MNAT1: variants seen among roughly 807,000 people sequenced by gnomAD.
The protein encoded by MNAT1 is CDK-activating kinase assembly factor MAT1.
In MNAT1, 43 loss-of-function variants were observed where a neutral mutation model predicts 42.0. The ratio of observed to expected loss-of-function variants is 1.02; its 90% confidence interval spans 0.80 to 1.32. MNAT1 has a LOEUF of 1.32. MNAT1 is among the 40% of genes most tolerant of loss of function. The pLI, the probability that MNAT1 is intolerant of heterozygous loss-of-function variation, is 0.00. For missense variants in MNAT1, 306 were observed against 350.4 expected, an observed-to-expected ratio of 0.87 and a Z score of 1.01; for synonymous variants, 118 against 120.0, an observed-to-expected ratio of 0.98 and a Z score of 0.11.
chr14:60,835,008 CCT>C (rs1045509667), intron 6 of MNAT1, among the ~76,000 whole-genome samples: 6 of 144,474 alleles, frequency 4.2e-5, no homozygotes, highest in African/African-American at 1.3e-4. Flanking sequence ...TCCCTCCCTC[CCT>C]CTCTCTCTCA....
At chr14:60,965,680 T>C (rs1003954539) in intron 7 of MNAT1, among the ~76,000 whole-genome samples, 2 of 152,244 alleles carry the variant, frequency 1.3e-5, no homozygotes, top group Non-Finnish European at 2.9e-5. Flanking sequence ...TTATGATGTT[T>C]GGCTTTTCAA....
intron 7 of MNAT1, among the ~76,000 whole-genome samples, chr14:60,944,167 T>C (rs1027364922): frequency 2.6e-5 from 4 of 152,310 alleles, no homozygotes; most frequent in Admixed American, 2.6e-4. Context: ...GTTTCCTATT[T>C]TGTAGTGTTA....
intron 6 of MNAT1, among the ~76,000 whole-genome samples, chr14:60,853,661 A>C (rs549925708): frequency 3.8e-4 from 58 of 152,322 alleles, no homozygotes; most frequent in Middle Eastern, 3.4e-3. Flanking sequence ...TTGCCCATTC[A>C]GTATGATATT....
chr14:60,929,485 A>T (rs929278990), intron 7 of MNAT1, among the ~76,000 whole-genome samples: 2 of 152,016 alleles, frequency 1.3e-5, no homozygotes, highest in African/African-American at 4.8e-5. Flanking sequence ...TAAAGGTCCA[A>T]GTTCATCATT....
intron 7 of MNAT1, among the ~76,000 whole-genome samples, chr14:60,925,790 C>G (rs1307718766): frequency 6.6e-6 from 1 of 152,068 alleles, no homozygotes; most frequent in Non-Finnish European, 1.5e-5. Flanking sequence ...TCATGTCTGG[C>G]TTCTTTCATG....
At chr14:60,772,093 A>G (rs1445887109) in intron 1 of MNAT1, among the ~76,000 whole-genome samples, 5 of 152,112 alleles carry the variant, frequency 3.3e-5, no homozygotes, top group African/African-American at 1.2e-4. Flanking sequence ...ATTATTTTTG[A>G]TTATGAGTTT....
At chr14:60,828,027 A>T (rs2033103454) in intron 6 of MNAT1, among the ~76,000 whole-genome samples, 1 of 152,174 alleles carries the variant, frequency 6.6e-6, no homozygotes, top group African/African-American at 2.4e-5. Flanking sequence ...TTTTAATGTG[A>T]CCTAAATAAA....
intron 1 of MNAT1, among the ~76,000 whole-genome samples, chr14:60,791,021 T>C (rs1041024172): frequency 1.3e-5 from 2 of 152,208 alleles, no homozygotes; most frequent in African/African-American, 4.8e-5. Context: ...GTCAGGAGGA[T>C]ACAAACCCAT....
At chr14:60,958,288 C>T (rs1594911290) in intron 7 of MNAT1, among the ~76,000 whole-genome samples, 1 of 152,282 alleles carries the variant, frequency 6.6e-6, no homozygotes. Context: ...GATAGCTTTG[C>T]TGCATAAAGT....
chr14:60,910,415 G>A (rs2035322130), intron 7 of MNAT1, among the ~76,000 whole-genome samples: 1 of 152,094 alleles, frequency 6.6e-6, no homozygotes. Context: ...TTTTCAAAGG[G>A]AATGCTTCCA....
chr14:60,916,911 C>T (rs2035529654), intron 7 of MNAT1, among the ~76,000 whole-genome samples: 1 of 152,094 alleles, frequency 6.6e-6, no homozygotes, highest in South Asian at 2.1e-4. Flanking sequence ...TGAAATCCTG[C>T]CACTGCATTC....
intron 6 of MNAT1, among the ~76,000 whole-genome samples, chr14:60,856,966 A>G (rs1171194241): frequency 6.6e-6 from 1 of 152,158 alleles, no homozygotes; most frequent in Non-Finnish European, 1.5e-5. Flanking sequence ...GGCATGAGCC[A>G]CTGTGCCCGG....
intron 7 of MNAT1, among the ~76,000 whole-genome samples, chr14:60,917,190 C>T (rs2035539276): frequency 6.6e-6 from 1 of 152,086 alleles, no homozygotes; most frequent in African/African-American, 2.4e-5. Context: ...TATGTATGAG[C>T]AGAGGTTGGC....
chr14:60,837,464 C>T (rs1440300657), intron 6 of MNAT1, among the ~76,000 whole-genome samples: 1 of 152,188 alleles, frequency 6.6e-6, no homozygotes, highest in African/African-American at 2.4e-5. Flanking sequence ...CTTCCTTTGG[C>T]TAGGGAAGGG....
intron 1 of MNAT1, among the ~76,000 whole-genome samples, chr14:60,749,043 C>T (rs1594721302): frequency 6.6e-6 from 1 of 152,128 alleles, no homozygotes; most frequent in African/African-American, 2.4e-5. Context: ...AATTTTTCAG[C>T]TGTATTATAA....
At chr14:60,875,994 A>C (rs192173701) in intron 6 of MNAT1, among the ~76,000 whole-genome samples, 84 of 151,836 alleles carry the variant, frequency 5.5e-4, no homozygotes, top group Non-Finnish European at 9.4e-4. Context: ...TCCCTCACTT[A>C]CCCTCCTCTC....
intron 6 of MNAT1, among the ~76,000 whole-genome samples, chr14:60,856,594 G>C (rs936607209): frequency 1.3e-5 from 2 of 152,022 alleles, no homozygotes; most frequent in African/African-American, 4.8e-5. Context: ...TCAATGCCCG[G>C]TTTCAAAGTT....
intron 6 of MNAT1, among the ~76,000 whole-genome samples, chr14:60,869,040 A>ATATATATATATATATATATATATATATTT (rs1465360826): frequency 8.8e-6 from 1 of 113,052 alleles, no homozygotes; most frequent in Non-Finnish European, 1.8e-5. Flanking sequence ...ATATATATAT[A>ATATATATATATATATATATATATATATTT]TTTTTTTTTT....
chr14:60,904,329 AT>A (rs1013331032), intron 7 of MNAT1, among the ~76,000 whole-genome samples: 18 of 151,566 alleles, frequency 1.2e-4, no homozygotes, highest in African/African-American at 3.1e-4. Flanking sequence ...TACTAAATTA[AT>A]TTTTTTTTCT....
Sources: gnomAD v4.1 joint callset for allele counts (sites outside exome capture counted in the v4.1 genomes callset) on GRCh38, gnomAD v4.1.1 for gene constraint, MANE v1.5 for transcripts, NCBI Gene and HGNC (gene_info 2026-07-23, HGNC 2026-07-21) for gene names.